The following KCNH2 variants were observed in gnomAD, a reference collection of about 807,000 sequenced individuals.
The protein encoded by KCNH2 is potassium voltage-gated channel subfamily H member 2, also known as voltage-gated inwardly rectifying potassium channel KCNH2.
Under a neutral mutation model 95.9 loss-of-function variants are expected in KCNH2, and 35 were observed. The observed-to-expected ratio is 0.37, with a 90% CI of 0.28 to 0.48. The LOEUF is 0.48. KCNH2 is among the 20% of genes least tolerant of loss of function. The probability of loss-of-function intolerance (pLI) is 0.99; values close to 1 mark genes in which losing one functional copy is unlikely to be tolerated. For synonymous variants in KCNH2, 786 were observed against 754.7 expected, an observed-to-expected ratio of 1.04 and a Z score of -0.68; for missense variants, 1,274 against 1,702.9, an observed-to-expected ratio of 0.75 and a Z score of 4.43.
intron 9 of KCNH2, chr7:150,949,897 T>A: frequency 6.9e-7 from 1 of 1,445,880 alleles, no homozygotes; most frequent in Non-Finnish European, 9.2e-7. Context: ...CTAGATTTGA[T>A]CCTACTTTAA....
At chr7:150,967,615 C>T (rs557216354) in intron 2 of KCNH2, among the ~76,000 whole-genome samples, 6 of 152,340 alleles carry the variant, frequency 3.9e-5, no homozygotes, top group Middle Eastern at 3.4e-3. Flanking sequence ...TCGATCCCTA[C>T]TTGACACCAC....
intron 2 of KCNH2, among the ~76,000 whole-genome samples, chr7:150,969,832 A>G (rs1179174149): frequency 6.6e-6 from 1 of 152,152 alleles, no homozygotes; most frequent in Non-Finnish European, 1.5e-5. Context: ...CTCATCCTGG[A>G]TAAGCACCCA....
In KCNH2 at chr7:150,945,096, C is replaced by G. The variant is rs919125400; in HGVS notation, c.*269G>C. 2.0e-6 allele frequency: 1 copy of G among 490,356 alleles called. No individual in the cohort carries two copies. The highest frequency in any genetic ancestry group is 3.6e-6 in the Non-Finnish European group (1 of 275,818). 30.4% of individuals were successfully genotyped at this position (490,356 alleles called of 1,614,324 possible). A position where few individuals can be genotyped will look rare whatever the true frequency, so the allele number is the denominator to read the frequency against. ...CCTTGAGGTGCCTAAGGCCCAGGGCCGGGTGCCTCCGGGCAGTTAGACCAG... is the reference window on the plus strand; with the variant it reads ...CCTTGAGGTGCCTAAGGCCCAGGGCGGGGTGCCTCCGGGCAGTTAGACCAG... On this transcript the variant is annotated 3_prime_UTR_variant, in exon 15 of 15. Transcript: ENST00000262186. This position sits in a 1 kb window ranked among gnomAD's most constrained non-coding sequence, Gnocchi z 5.6.
intron 1 of KCNH2, 98 bp from the exon 2 acceptor site, chr7:150,975,039 A>G (rs1801946427): frequency 1.9e-6 from 2 of 1,038,668 alleles, no homozygotes; most frequent in Admixed American, 2.2e-5. Context: ...CCGCCCGGGG[A>G]CTCCCCGCCA....
chr7:150,973,154 C>T (rs1268185714), intron 2 of KCNH2, among the ~76,000 whole-genome samples: 1 of 152,188 alleles, frequency 6.6e-6, no homozygotes, highest in Non-Finnish European at 1.5e-5. Context: ...TAGACACAAA[C>T]CCAGGACTTA....
rs754553234 is a variant in KCNH2 at position 150,951,497 on chromosome 7, G to A, written c.1896C>T (p.Pro632=). The A allele has an allele frequency of 1.2e-6, 2 of 1,614,240 alleles. No homozygotes were observed. Among genetic ancestry groups the A allele is most frequent in the Non-Finnish European group, 8.5e-7 (1 of 1,180,046 alleles). Residue 632 remains proline, a synonymous_variant, in exon 7 of 15, where the codon CCC becomes CCT. Transcript: ENST00000262186. ...AGAAGATCTTCTCTGAGTTGGTGTT[G>A]GGAGAGACGTTGCCGAAGCCCACAC... ...LTSVGFGNVS[P]NTNSEKIFSI...
intron 7 of KCNH2, 105 bp from the exon 8 acceptor site, chr7:150,951,225 C>A: frequency 9.1e-7 from 1 of 1,098,724 alleles, no homozygotes; most frequent in East Asian, 2.5e-5. Flanking sequence ...GTCTCAGCGT[C>A]GACATGCCCA....
Position 150,975,068 on chromosome 7 carries a change from C to G in KCNH2, c.77-127G>C, listed in dbSNP as rs1044346914. 2.0e-5 allele frequency: 14 copies of G among 683,696 alleles called. 1 individual carries two copies. Among genetic ancestry groups the G allele is most frequent in the Non-Finnish European group, 2.7e-5 (13 of 472,738 alleles). 42.4% of individuals were successfully genotyped at this position (683,696 alleles called of 1,614,324 possible). A position where few individuals can be genotyped will look rare whatever the true frequency, so the allele number is the denominator to read the frequency against. On this transcript the variant is annotated intron_variant, in intron 1 of 14. Transcript: ENST00000262186. ...CCCGCCACAGGAAGCATGGCTGGGA[C>G]TGGGGTCCCAGCAGGGGGCGAACGC... is the stretch of plus-strand genomic sequence containing the variant.
chr7:150,967,830 A>T (rs13244889), intron 2 of KCNH2, among the ~76,000 whole-genome samples: 44,916 of 152,220 alleles, frequency 0.3, 7,745 homozygotes, highest in Non-Finnish European at 0.39. Flanking sequence ...GATATTTGCA[A>T]TATCTGTTTC....
At position 150,961,015 on chromosome 7, in the gene KCNH2, A is replaced by G. The variant is rs369531454; in HGVS notation, c.308-1279T>C. ...GTTAACAGCCCGCTCCAGCTCCTCTATGGCCCCCCAGGGACCCACCAGGCA... is the reference window on the plus strand; with the variant it reads ...GTTAACAGCCCGCTCCAGCTCCTCTGTGGCCCCCCAGGGACCCACCAGGCA... On this transcript the variant is annotated intron_variant, in intron 2 of 14. Transcript: ENST00000262186. This position sits in a 1 kb window ranked among gnomAD's most constrained non-coding sequence, Gnocchi z 6.2. Among the ~76,000 whole-genome samples the G allele has an allele frequency of 1.3e-5, 2 of 152,100 alleles. No individual in the cohort carries two copies. Among genetic ancestry groups the G allele is most frequent in the African/African-American group, 2.4e-5 (1 of 41,412 alleles).
In KCNH2 at chr7:150,950,413, T is replaced by G; in HGVS notation, c.2153A>C (p.Lys718Thr). Residue 718 changes from lysine (K) to threonine (T), a missense_variant, in exon 9 of 15, where the codon AAG (lysine) becomes ACG (threonine). Physicochemically the swap from Lys to Thr is moderately conservative, Grantham distance 78 (BLOSUM62 -1). Transcript: ENST00000262186. Reference sequence around the variant, plus strand: ...AGCCTGCAGGCACTCAGGGAAGCCCTTCAGCACCTGGGGGCAGGGTGGGGG... The same window carrying G: ...AGCCTGCAGGCACTCAGGGAAGCCCGTCAGCACCTGGGGGCAGGGTGGGGG... The part of the protein sequence containing the change: ...TNGIDMNAVL[K>T]GFPECLQADI... 1 of 1,611,500 alleles carries G rather than the reference T, an allele frequency of 6.2e-7. No individual in the cohort carries two copies. The highest frequency in any genetic ancestry group is 8.5e-7 in the Non-Finnish European group (1 of 1,179,876).
chr7:150,950,559 C>A lies in KCNH2; in HGVS notation c.2146-139G>T. The A allele has an allele frequency of 3.3e-6, 4 of 1,204,036 alleles. No individual in the cohort carries two copies. The South Asian group carries it at 6.1e-5, about 18-fold the overall frequency. 74.6% of individuals were successfully genotyped at this position (1,204,036 alleles called of 1,614,324 possible). A position where few individuals can be genotyped will look rare whatever the true frequency, so the allele number is the denominator to read the frequency against. On this transcript the variant is annotated intron_variant, in intron 8 of 14. Transcript: ENST00000262186. ...GAGATCTCGGAAGCATCAGGGGGCC[C>A]AGTGTCTTGGGAAGGACCTGGGACC... is the stretch of plus-strand genomic sequence containing the variant.
At position 150,974,783 on chromosome 7, in the gene KCNH2, C is replaced by T. The variant is rs794728494; in HGVS notation, c.235G>A (p.Ala79Thr). The T allele has an allele frequency of 6.9e-6, 11 of 1,605,320 alleles. No individual in the cohort carries two copies. Among genetic ancestry groups the T allele is most frequent in the Middle Eastern group, 1.9e-4 (1 of 5,348 alleles). Residue 79 changes from alanine to threonine, a missense_variant, in exon 2 of 15, where the codon GCC (alanine) becomes ACC (threonine). Ala to Thr is a moderately conservative substitution (Grantham distance 58, BLOSUM62 0). Around this residue, in one of 7 missense-constraint regions of KCNH2, gnomAD observed 85 missense variants for 174.7 expected, o/e 0.49. Coordinates refer to ENST00000262186, the MANE Select transcript of KCNH2 (RefSeq NM_000238.4). ...LHGPRTQRRA[A>T]AQIAQALLGA... ...AGCAGTGCCTGCGCGATCTGCGCGGCAGCGCGGCGCTGCGTGCGCGGCCCG... is the reference window on the plus strand; with the variant it reads ...AGCAGTGCCTGCGCGATCTGCGCGGTAGCGCGGCGCTGCGTGCGCGGCCCG...
chr7:150,945,275 T>TCAGGGCCTCCTGAG lies in KCNH2; in HGVS notation c.*76_*89dup. 4 of 1,408,382 alleles carry TCAGGGCCTCCTGAG rather than the reference T, an allele frequency of 2.8e-6. No homozygotes were observed. In the Admixed American group the frequency reaches 6.8e-5, roughly 24 times the overall value. 87.2% of individuals were successfully genotyped at this position (1,408,382 alleles called of 1,614,324 possible). Reference sequence around the variant, plus strand: ...TTCGAGTTCCTCTCCCCTTCCACGGTCAGGGCCTCCTGAGCAGGGCCTCCA... The same window carrying TCAGGGCCTCCTGAG: ...TTCGAGTTCCTCTCCCCTTCCACGGTCAGGGCCTCCTGAGCAGGGCCTCCTGAGCAGGGCCTCCA... On this transcript the variant is annotated 3_prime_UTR_variant, in exon 15 of 15. Coordinates refer to ENST00000262186, the MANE Select transcript of KCNH2 (RefSeq NM_000238.4). This position sits in a 1 kb window ranked among gnomAD's most constrained non-coding sequence, Gnocchi z 5.6.
Position 150,958,406 on chromosome 7 carries a change from G to A in KCNH2, c.569C>T (p.Ala190Val), listed in dbSNP as rs903749476. Reference protein sequence around the residue: ...VRSGGAGGAGAPGAVVVDVDL... With the variant: ...VRSGGAGGAGVPGAVVVDVDL... ...CACGTCCACCACCACGGCCCCCGGG[G>A]CGCCCGCGCCGCCCGCGCCGCCCGA... The change falls in exon 4 of 15, where the codon GCC becomes GTC. Residue 190 changes from alanine (A) to valine (V), a missense_variant. Ala to Val is a moderately conservative substitution (Grantham distance 64). This residue lies in a region of KCNH2 where 392 missense variants were observed against 429.9 expected (regional missense o/e 0.91). Transcript: ENST00000262186. The A allele has an allele frequency of 1.6e-5, 23 of 1,447,468 alleles. No individual in the cohort carries two copies. The highest frequency in any genetic ancestry group is 3.0e-5 in the East Asian group (1 of 33,180). The allele number at this position is 1,447,468 out of a possible 1,614,324, so 89.7% of individuals were successfully genotyped here. A position where few individuals can be genotyped will look rare whatever the true frequency, so the allele number is the denominator to read the frequency against.
intron 2 of KCNH2, among the ~76,000 whole-genome samples, chr7:150,970,183 T>A (rs1042189680): frequency 2.9e-4 from 44 of 152,166 alleles, no homozygotes; most frequent in African/African-American, 1.0e-3. Flanking sequence ...AATACCAACA[T>A]GTGAAGGGCT....
chr7:150,959,496 T>C, intron 3 of KCNH2, 76 bp downstream of exon 3: 1 of 1,549,148 alleles, frequency 6.5e-7, no homozygotes. Context: ...TGCAGAGCGT[T>C]GACCTTGGAC....
Position 150,948,455 on chromosome 7 carries a change from C to T in KCNH2, c.2681G>A (p.Arg894His), listed in dbSNP as rs199473668. 3.2e-5 allele frequency: 41 copies of T among 1,295,224 alleles called. No homozygotes were observed. The East Asian group carries it at 6.9e-4, about 22-fold the overall frequency. 80.2% of individuals were successfully genotyped at this position (1,295,224 alleles called of 1,614,324 possible). A position where few individuals can be genotyped will look rare whatever the true frequency, so the allele number is the denominator to read the frequency against. ...CTCCCCCGCCTCACCCTTGTCCGTGCGCCTGCGGAAGGACAACTTGCGCTT... is the reference window on the plus strand; with the variant it reads ...CTCCCCCGCCTCACCCTTGTCCGTGTGCCTGCGGAAGGACAACTTGCGCTT... ...QRKRKLSFRRRTDKDTEQPGE... is the reference protein window; with the variant it reads ...QRKRKLSFRRHTDKDTEQPGE... The change falls in exon 11 of 15, where the codon CGC (arginine) becomes CAC (histidine). Residue 894 changes from arginine (R) to histidine (H), a missense_variant. Physicochemically the swap from Arg to His is conservative, Grantham distance 29 (BLOSUM62 0). Around this residue, in one of 7 missense-constraint regions of KCNH2, gnomAD observed 457 missense variants for 416.1 expected, o/e 1.10. Coordinates refer to ENST00000262186, the MANE Select transcript of KCNH2 (RefSeq NM_000238.4).
chr7:150,945,480 G>C lies in KCNH2; in HGVS notation c.3365C>G (p.Pro1122Arg), dbSNP rs531460655. The C allele has an allele frequency of 6.4e-7, 1 of 1,558,826 alleles. No homozygotes were observed. The highest frequency in any genetic ancestry group is 1.9e-5 in the Admixed American group (1 of 52,050). The change falls in exon 15 of 15, where the codon CCG (proline) becomes CGG (arginine). Residue 1122 changes from proline (P) to arginine (R), a missense_variant. By Grantham distance (103) the Pro-to-Arg change is moderately radical. Transcript: ENST00000262186. This position sits in a 1 kb window ranked among gnomAD's most constrained non-coding sequence, Gnocchi z 5.6. The stretch of plus-strand genomic sequence containing the variant: ...TTCTTGGGGAAGCTCTGGGGCCCCC[G>C]GGGGCAGCTCCTCACACGCCATGAA... The part of the protein sequence containing the change: ...SQFMACEELP[P>R]GAPELPQEGP...
Sources: gnomAD v4.1 joint callset for allele counts (sites outside exome capture counted in the v4.1 genomes callset) on GRCh38, gnomAD v4.1.1 for gene constraint, gnomAD v4.1.1 regional missense constraint, Gnocchi (gnomAD v3.1) non-coding constraint, MANE v1.5 for transcripts, NCBI Gene and HGNC (gene_info 2026-07-23, HGNC 2026-07-21) for gene names.